TCF20: variants seen among roughly 807,000 people sequenced by gnomAD.
TCF20 encodes transcription factor 20.
A neutral mutation model predicts 148.6 loss-of-function variants in TCF20; 3 were observed. The observed-to-expected ratio is 0.02, with a 90% CI of 0.01 to 0.05. The LOEUF (loss-of-function observed/expected upper bound fraction) is 0.05, where lower values mean the gene tolerates loss of function less well. Ranked by LOEUF, TCF20 falls within the 10% of genes least tolerant of loss-of-function variation. TCF20 has a pLI of 1.00. For missense variants in TCF20, 2,350 were observed against 2,429.3 expected (o/e 0.97, Z 0.69); for synonymous variants, 1,049 against 909.5 (o/e 1.15, Z -2.76).
chr22:42,319,385 G>T (rs5751262), intron 1 of TCF20, among the ~76,000 whole-genome samples: 3 of 152,076 alleles, frequency 2.0e-5, no homozygotes, highest in Admixed American at 6.5e-5. Flanking sequence ...ACTCCTGCCT[G>T]GGCAGCCATG....
chr22:42,283,369 G>T (rs948595376), intron 1 of TCF20, among the ~76,000 whole-genome samples: 6 of 151,758 alleles, frequency 4.0e-5, no homozygotes, highest in African/African-American at 1.2e-4. Context: ...TGCGCACGGC[G>T]GCTGGATCTG....
chr22:42,336,760 G>A (rs1601711400), intron 1 of TCF20, among the ~76,000 whole-genome samples: 1 of 152,170 alleles, frequency 6.6e-6, no homozygotes, highest in East Asian at 1.9e-4. Flanking sequence ...CCTTTGCACG[G>A]GCCCCTGACT....
At chr22:42,270,991 ATC>A (rs1022445704), upstream of TCF20, among the ~76,000 whole-genome samples, 9 of 151,992 alleles carry the variant, frequency 5.9e-5, no homozygotes, top group African/African-American at 1.4e-4. Context: ...GTGGCCCGGA[ATC>A]TCTCTGGGAT....
At chr22:42,225,518 G>A (rs1922801477) in intron 1 of TCF20, among the ~76,000 whole-genome samples, 1 of 150,704 alleles carries the variant, frequency 6.6e-6, no homozygotes, top group African/African-American at 2.4e-5. Context: ...GGAGGCTGAG[G>A]CAGGAGAATG....
chr22:42,180,719 C>G (rs1048590021), intron 2 of TCF20, among the ~76,000 whole-genome samples: 1 of 152,248 alleles, frequency 6.6e-6, no homozygotes, highest in Non-Finnish European at 1.5e-5. Context: ...GCGCTCGCCA[C>G]GCTCAGACTG....
chr22:42,220,812 A>G (rs961784191), intron 1 of TCF20, among the ~76,000 whole-genome samples: 2 of 152,038 alleles, frequency 1.3e-5, no homozygotes, highest in Non-Finnish European at 2.9e-5. Context: ...CCCTCCACCA[A>G]TGGCTGCAGC....
chr22:42,330,442 C>T (rs1927953222), intron 1 of TCF20, among the ~76,000 whole-genome samples: 1 of 152,190 alleles, frequency 6.6e-6, no homozygotes, highest in Non-Finnish European at 1.5e-5. Flanking sequence ...ACACTCTTCT[C>T]TGTGTCTCTC....
At chr22:42,285,045 G>A (rs1300021506), upstream of TCF20, among the ~76,000 whole-genome samples, 5 of 152,204 alleles carry the variant, frequency 3.3e-5, no homozygotes, top group Admixed American at 3.3e-4. This position sits in a 1 kb window ranked among gnomAD's most constrained non-coding sequence, Gnocchi z 4.2. Context: ...TCCAGCCTCT[G>A]CCCTCCAGTG....
intron 1 of TCF20, among the ~76,000 whole-genome samples, chr22:42,294,543 G>T (rs529649863): frequency 1.3e-5 from 2 of 152,022 alleles, no homozygotes; most frequent in Non-Finnish European, 2.9e-5. Flanking sequence ...TCCCAGCTCC[G>T]GGAGAGGGCA....
chr22:42,238,933 C>G (rs542497433), intron 1 of TCF20, among the ~76,000 whole-genome samples: 1 of 150,400 alleles, frequency 6.6e-6, no homozygotes, highest in Non-Finnish European at 1.5e-5. Context: ...CTGGCTAACA[C>G]GGTGAAACCC....
intron 3 of TCF20, among the ~76,000 whole-genome samples, chr22:42,172,205 A>G (rs1936172386): frequency 6.6e-6 from 1 of 152,212 alleles, no homozygotes. Context: ...GTCAGGAAGC[A>G]CAATTCACGT....
At position 42,214,204 on chromosome 22, in the gene TCF20, A is replaced by G. The variant is rs774163631; in HGVS notation, c.1102T>C (p.Ser368Pro). The G allele has an allele frequency of 1.2e-6, 2 of 1,614,206 alleles. No individual in the cohort carries two copies. The highest frequency in any genetic ancestry group is 1.7e-6 in the Non-Finnish European group (2 of 1,180,038). ...ACAGAGGCAGCTGGAGAAGGGTTAG[A>G]AATGGGGCTGAAGTTCTGGTGAAAC... Reference protein sequence around the residue: ...MQFHQNFSPISNPSPAASVVQ... With the variant: ...MQFHQNFSPIPNPSPAASVVQ... The change falls in exon 2 of 6, where the codon TCT (serine) becomes CCT (proline). Residue 368 changes from serine (S) to proline (P), a missense_variant. Ser to Pro is a moderately conservative substitution (Grantham distance 74). This residue lies in a region of TCF20 where 1,641 missense variants were observed against 1,662.6 expected (regional missense o/e 0.99). Coordinates refer to ENST00000677622, the MANE Select transcript of TCF20 (RefSeq NM_001378418.1).
chr22:42,266,639 C>A (rs1326246694), intron 1 of TCF20, among the ~76,000 whole-genome samples: 2 of 151,976 alleles, frequency 1.3e-5, no homozygotes, highest in African/African-American at 4.8e-5. Flanking sequence ...AATAGCCAGG[C>A]ATGGTGGCAG....
intron 1 of TCF20, among the ~76,000 whole-genome samples, chr22:42,311,759 C>G (rs1280141395): frequency 4.6e-5 from 7 of 152,184 alleles, no homozygotes; most frequent in East Asian, 1.9e-4. Context: ...TCCCGGGCAC[C>G]CTGCAGGCAC....
chr22:42,254,833 C>T (rs1464526962), intron 1 of TCF20, among the ~76,000 whole-genome samples: 3 of 151,798 alleles, frequency 2.0e-5, no homozygotes, highest in Admixed American at 6.6e-5. Context: ...CGGGTGGAGG[C>T]GGGCGCCTGT....
Position 42,210,267 on chromosome 22 carries a change from TTGC to T in TCF20, c.5036_5038del (p.Ser1679del), listed in dbSNP as rs1263836709. 6.2e-7 allele frequency: 1 copy of T among 1,614,188 alleles called. No homozygotes were observed. The highest frequency in any genetic ancestry group is 1.3e-5 in the African/African-American group (1 of 75,040). ...CATAAAGGACGAGGCCGGGAGCGCC[TTGC>T]TTTCAGTGCTGCTAGGTGGAGGGGT... On this transcript the variant is annotated inframe_deletion, in exon 2 of 6. Coordinates refer to ENST00000677622, the MANE Select transcript of TCF20 (RefSeq NM_001378418.1). This position sits in a 1 kb window ranked among gnomAD's most constrained non-coding sequence, Gnocchi z 4.7.
At chr22:42,259,586 C>A (rs190195528) in intron 1 of TCF20, among the ~76,000 whole-genome samples, 1 of 152,260 alleles carries the variant, frequency 6.6e-6, no homozygotes, top group Admixed American at 6.5e-5. Context: ...TACCCTATTC[C>A]AATATTCGCT....
At chr22:42,168,865 A>C (rs965944329) in intron 4 of TCF20, 129 bp from the exon 5 acceptor site, 1 of 1,255,100 alleles carries the variant, frequency 8.0e-7, no homozygotes, top group African/African-American at 1.6e-5. Context: ...CCTGACCGAC[A>C]AACAGGAGAC....
chr22:42,330,336 G>A (rs1391817642), intron 1 of TCF20, among the ~76,000 whole-genome samples: 1 of 152,172 alleles, frequency 6.6e-6, no homozygotes, highest in South Asian at 2.1e-4. Context: ...AGGCACTGAC[G>A]TTTGCAGTGT....
Sources: allele counts gnomAD v4.1 joint callset (sites outside exome capture counted in the v4.1 genomes callset), GRCh38; gene constraint gnomAD v4.1.1; regional missense constraint gnomAD v4.1.1; non-coding constraint Gnocchi (gnomAD v3.1); transcripts MANE v1.5; gene names NCBI Gene and HGNC (gene_info 2026-07-23, HGNC 2026-07-21).